The following RBPJ variants were observed in gnomAD, a reference collection of about 807,000 sequenced individuals.
The protein encoded by RBPJ is recombination signal binding protein for immunoglobulin kappa J region.
In RBPJ, 9 loss-of-function variants were observed where a neutral mutation model predicts 67.8. The ratio of observed to expected loss-of-function variants is 0.13; its 90% CI spans 0.08 to 0.23. RBPJ has a LOEUF of 0.23. Among genes scored for constraint, RBPJ ranks in the 10% least tolerant of loss-of-function variants. The pLI is 1.00. For synonymous variants in RBPJ, 198 were observed against 203.3 expected, an observed-to-expected ratio of 0.97 and a Z score of 0.22; for missense variants, 305 against 595.6, an observed-to-expected ratio of 0.51 and a Z score of 5.08.
At chr4:26,382,954 A>G (rs535039537) in intron 1 of RBPJ, among the ~76,000 whole-genome samples, 2 of 152,220 alleles carry the variant, frequency 1.3e-5, no homozygotes, top group African/African-American at 4.8e-5. Context: ...TAATGAGATA[A>G]ATAGGAATGT....
intron 1 of RBPJ, among the ~76,000 whole-genome samples, chr4:26,378,406 TGAG>T (rs1352050405): frequency 2.0e-5 from 3 of 152,168 alleles, no homozygotes; most frequent in African/African-American, 7.2e-5. Flanking sequence ...GGCTTTCATA[TGAG>T]AAGTTAATGG....
rs1373737653 is a variant in RBPJ at position 26,432,145 on chromosome 4, T to C, written c.*1138T>C. 6.6e-6 allele frequency: 1 copy of C among 152,222 alleles called. No individual in the cohort carries two copies. The highest frequency in any genetic ancestry group is 1.5e-5 in the Non-Finnish European group (1 of 68,032). The allele number at this position is 152,222 out of a possible 1,614,324, so 9.4% of individuals were successfully genotyped here. On this transcript the variant is annotated 3_prime_UTR_variant, in exon 11 of 11. Coordinates refer to ENST00000355476, the MANE Select transcript of RBPJ (RefSeq NM_015874.6). The stretch of plus-strand genomic sequence containing the variant: ...CCTTGTTGGCAAGTGACAAAAAATA[T>C]GGGAAGTATTTGCTACCAGTTGGTA...
chr4:26,308,824 A>G (rs1722332006), intron 1 of RBPJ, among the ~76,000 whole-genome samples: 1 of 152,206 alleles, frequency 6.6e-6, no homozygotes, highest in African/African-American at 2.4e-5. Flanking sequence ...CCTTTCTGGT[A>G]GGCTTTCTTT....
At chr4:26,318,832 T>C (rs1722756532), upstream of RBPJ, among the ~76,000 whole-genome samples, 1 of 151,130 alleles carries the variant, frequency 6.6e-6, no homozygotes, top group Admixed American at 6.6e-5. Context: ...CTCCGTCTAC[T>C]AAAAAATAGA....
At chr4:26,251,288 A>G (rs1454377588) in intron 1 of RBPJ, among the ~76,000 whole-genome samples, 1 of 152,114 alleles carries the variant, frequency 6.6e-6, no homozygotes, top group East Asian at 1.9e-4. Context: ...GAAGATTTTT[A>G]AGTAGATAAA....
In RBPJ at chr4:26,270,430, AAAGAAAGAAGAAAGAAAGAAAG is replaced by A. The variant is rs1184306581; in HGVS notation, c.-166-92013_-166-91992del. On this transcript the variant is annotated intron_variant, in intron 1 of 4. Transcript: ENST00000512351. ...GAAAGAAAGAAAGAAAGAAAGAAAGAAAGAAAGAAGAAAGAAAGAAAGAAAGAAAAGAAAAGGAAAGAAAGAT... is the reference window on the plus strand; with the variant it reads ...GAAAGAAAGAAAGAAAGAAAGAAAGAAAAGAAAAGAAAAGGAAAGAAAGAT... Among the ~76,000 whole-genome samples, 40 of 62,738 alleles carry A rather than the reference AAAGAAAGAAGAAAGAAAGAAAG, an allele frequency of 6.4e-4. 3 individuals are homozygous for A. The highest frequency in any genetic ancestry group is 1.5e-3 in the African/African-American group (38 of 25,062). 41.2% of individuals were successfully genotyped at this position (62,738 alleles called of 152,430 possible). A position where few individuals can be genotyped will look rare whatever the true frequency, so the allele number is the denominator to read the frequency against.
chr4:26,335,512 TTC>T (rs1489942250), intron 1 of RBPJ, among the ~76,000 whole-genome samples: 1 of 151,650 alleles, frequency 6.6e-6, no homozygotes, highest in Non-Finnish European at 1.5e-5. Context: ...ATATTCTGCG[TTC>T]TCTTCTTTTT....
chr4:26,409,825 G>T (rs1396691412), intron 3 of RBPJ, among the ~76,000 whole-genome samples: 1 of 152,044 alleles, frequency 6.6e-6, no homozygotes, highest in Non-Finnish European at 1.5e-5. Context: ...TATTATTTGG[G>T]CATGGCCTAG....
intron 1 of RBPJ, among the ~76,000 whole-genome samples, chr4:26,184,488 A>C (rs1241793020): frequency 2.0e-5 from 3 of 152,154 alleles, no homozygotes; most frequent in Non-Finnish European, 4.4e-5. Flanking sequence ...GCTATCACGG[A>C]GGGTGGTCAG....
chr4:26,214,422 AAGAG>A (rs1206901709), intron 1 of RBPJ, among the ~76,000 whole-genome samples: 1 of 143,374 alleles, frequency 7.0e-6, no homozygotes, highest in Non-Finnish European at 1.5e-5. Context: ...GAAAGAAAGA[AAGAG>A]AAAAAGAGAG....
At chr4:26,346,048 G>A (rs1726102352) in intron 1 of RBPJ, among the ~76,000 whole-genome samples, 1 of 151,990 alleles carries the variant, frequency 6.6e-6, no homozygotes, top group African/African-American at 2.4e-5. Flanking sequence ...CACAAATTGG[G>A]AATCTACATG....
chr4:26,277,593 G>T (rs1721125856), intron 1 of RBPJ, among the ~76,000 whole-genome samples: 1 of 152,348 alleles, frequency 6.6e-6, no homozygotes, highest in South Asian at 2.1e-4. Flanking sequence ...GCCCTGATTT[G>T]TGAGTGGATG....
intron 1 of RBPJ, among the ~76,000 whole-genome samples, chr4:26,210,580 C>T (rs1215863863): frequency 6.6e-6 from 1 of 152,110 alleles, no homozygotes; most frequent in Non-Finnish European, 1.5e-5. Context: ...ATCAATGAGG[C>T]TTTTAATTAA....
In RBPJ at chr4:26,173,187, G is replaced by A. The variant is rs1328910587; in HGVS notation, c.-167+9573G>A. ...GTCTTGCTCTGTTGCCCAGGCTGGA[G>A]TGCAGTGGTACGATCTCGGCTCACT... On this transcript the variant is annotated intron_variant, in intron 1 of 4. Transcript: ENST00000512351. Among the ~76,000 whole-genome samples, 3 of 152,264 alleles carry A rather than the reference G, an allele frequency of 2.0e-5. No individual in the cohort carries two copies. The East Asian group carries it at 5.8e-4, about 29-fold the overall frequency.
At chr4:26,113,348 T>C in the RBPJ span, 1 of 546,298 alleles carries the variant, frequency 1.8e-6, no homozygotes, top group Admixed American at 2.0e-5. Flanking sequence ...TGGGAAAACC[T>C]TGTGGGAGAA....
At chr4:26,312,615 C>T (rs1722469083) in intron 1 of RBPJ, among the ~76,000 whole-genome samples, 1 of 152,194 alleles carries the variant, frequency 6.6e-6, no homozygotes, top group African/African-American at 2.4e-5. Context: ...AGTAAGTCAG[C>T]TACCAAGTCA....
intron 3 of RBPJ, among the ~76,000 whole-genome samples, chr4:26,415,051 A>C (rs141558601): frequency 6.6e-6 from 1 of 152,332 alleles, no homozygotes; most frequent in East Asian, 1.9e-4. Context: ...TGCAGTATCC[A>C]TAATAGTAAT....
intron 3 of RBPJ, among the ~76,000 whole-genome samples, chr4:26,411,827 G>C (rs1191425552): frequency 6.6e-6 from 1 of 151,936 alleles, no homozygotes; most frequent in Non-Finnish European, 1.5e-5. Context: ...CCATTTATGG[G>C]CCAGGCGCGG....
intron 1 of RBPJ, among the ~76,000 whole-genome samples, chr4:26,335,617 CTTTT>C (rs34386877): frequency 1.1e-3 from 122 of 107,842 alleles, no homozygotes; most frequent in African/African-American, 3.4e-3. Flanking sequence ...ATGCTTACTT[CTTTT>C]TTTTTTTTTT....
Sources: gnomAD v4.1 joint callset for allele counts (sites outside exome capture counted in the v4.1 genomes callset) on GRCh38, gnomAD v4.1.1 for gene constraint, MANE v1.5 for transcripts, NCBI Gene and HGNC (gene_info 2026-07-23, HGNC 2026-07-21) for gene names.